Variants in ADAM32 observed in about 807,000 individuals in gnomAD.
ADAM32 encodes the protein disintegrin and metalloproteinase domain-containing protein 32.
A neutral mutation model predicts 114.9 loss-of-function variants in ADAM32; 89 were observed. The observed-to-expected ratio is 0.77, with a 90% CI of 0.65 to 0.92. The LOEUF (loss-of-function observed/expected upper bound fraction) is 0.92. Among genes scored for constraint, ADAM32 ranks in the 40% least tolerant of loss-of-function variants. The pLI, the probability that ADAM32 is intolerant of heterozygous loss-of-function variation, is 0.00. For synonymous variants in ADAM32, 285 were observed against 307.5 expected, an observed-to-expected ratio of 0.93 and a Z score of 0.77; for missense variants, 870 against 932.8, an observed-to-expected ratio of 0.93 and a Z score of 0.88.
intron 2 of ADAM32, among the ~76,000 whole-genome samples, chr8:39,126,932 G>A (rs899785153): frequency 1.6e-4 from 24 of 152,118 alleles, no homozygotes; most frequent in Non-Finnish European, 3.1e-4. Flanking sequence ...ATAATCATGT[G>A]GTTTTTGTCT....
At chr8:39,267,527 A>G (rs1254877743) in intron 19 of ADAM32, among the ~76,000 whole-genome samples, 1 of 152,112 alleles carries the variant, frequency 6.6e-6, no homozygotes, top group Non-Finnish European at 1.5e-5. Context: ...TATAGGTGTT[A>G]TAAATGAAGC....
chr8:39,151,433 T>C lies in ADAM32; in HGVS notation c.410T>C (p.Val137Ala), dbSNP rs557580470. The C allele has an allele frequency of 5.0e-6, 8 of 1,605,384 alleles. No homozygotes were observed. The highest frequency in any genetic ancestry group is 1.3e-5 in the African/African-American group (1 of 74,630). The change falls in exon 6 of 25, where the codon GTT becomes GCT. Residue 137 changes from valine (V) to alanine (A), a missense_variant. Transcript: ENST00000379907. The stretch of plus-strand genomic sequence containing the variant: ...GGAATTGAGCCTCTGGAATCTGCAG[T>C]TGAATTTCAGCATGTTCTTTACAAA... ...SYGIEPLESA[V>A]EFQHVLYKLK...
At chr8:39,197,318 G>A (rs1807076309) in intron 11 of ADAM32, among the ~76,000 whole-genome samples, 1 of 151,264 alleles carries the variant, frequency 6.6e-6, no homozygotes, top group African/African-American at 2.4e-5. Flanking sequence ...TATTTTTTAG[G>A]TTCTATTTCA....
intron 19 of ADAM32, among the ~76,000 whole-genome samples, chr8:39,260,563 G>A (rs1811959486): frequency 6.6e-6 from 1 of 152,072 alleles, no homozygotes; most frequent in African/African-American, 2.4e-5. Context: ...TATCTGTTGA[G>A]TGTATTTTCA....
intron 11 of ADAM32, among the ~76,000 whole-genome samples, chr8:39,200,941 T>A (rs1290877555): frequency 6.6e-6 from 1 of 152,124 alleles, no homozygotes; most frequent in Non-Finnish European, 1.5e-5. Context: ...TATAGATGTG[T>A]GGTATTATTT....
rs894337935 is a variant in ADAM32, at chr8:39,231,315, G to T, written c.1526-712G>T. On this transcript the variant is annotated intron_variant, in intron 14 of 24. Coordinates refer to ENST00000379907, the MANE Select transcript of ADAM32 (RefSeq NM_145004.7). ...TTCTAAGAGCCAAGAGCAATCCCTAGCAGACAGCTAGTAAAGCTACAACTG... is the reference window on the plus strand; with the variant it reads ...TTCTAAGAGCCAAGAGCAATCCCTATCAGACAGCTAGTAAAGCTACAACTG... Among the ~76,000 whole-genome samples the T allele has an allele frequency of 8.5e-5, 13 of 152,180 alleles. 1 individual carries two copies. In the East Asian group the frequency reaches 2.5e-3, roughly 29 times the overall value.
intron 11 of ADAM32, among the ~76,000 whole-genome samples, chr8:39,196,596 C>A (rs552546954): frequency 5.9e-5 from 9 of 152,024 alleles, no homozygotes; most frequent in South Asian, 4.2e-4. Context: ...AATGATTTTG[C>A]GGTTTTTGTC....
At chr8:39,158,190 G>T (rs571848751) in intron 6 of ADAM32, 71 of 183,062 alleles carry the variant, frequency 3.9e-4, no homozygotes, top group African/African-American at 1.7e-3. Flanking sequence ...TGTCCATTAG[G>T]TGGGTCTTCT....
At chr8:39,263,352 T>C (rs751160799) in intron 19 of ADAM32, among the ~76,000 whole-genome samples, 15 of 152,180 alleles carry the variant, frequency 9.9e-5, no homozygotes, top group Non-Finnish European at 1.9e-4. Context: ...TTAAACTTTA[T>C]TTTTCTATAA....
intron 16 of ADAM32, among the ~76,000 whole-genome samples, chr8:39,241,232 G>T (rs1488357901): frequency 2.0e-5 from 3 of 152,214 alleles, no homozygotes; most frequent in Non-Finnish European, 4.4e-5. Context: ...CTGTGACTTT[G>T]CAGGGTATAG....
chr8:39,238,618 A>T (rs1323264483), intron 16 of ADAM32, among the ~76,000 whole-genome samples: 38 of 152,240 alleles, frequency 2.5e-4, no homozygotes, highest in Admixed American at 2.5e-3. Flanking sequence ...CAGAAATTTG[A>T]TTATTAAGCT....
At chr8:39,113,878 A>G (rs1217161548) in intron 1 of ADAM32, among the ~76,000 whole-genome samples, 1 of 152,186 alleles carries the variant, frequency 6.6e-6, no homozygotes, top group Non-Finnish European at 1.5e-5. Context: ...TTGTCAGATG[A>G]AGGCATTTGT....
At chr8:39,202,333 A>T (rs1239950903) in intron 11 of ADAM32, among the ~76,000 whole-genome samples, 1 of 152,054 alleles carries the variant, frequency 6.6e-6, no homozygotes, top group Non-Finnish European at 1.5e-5. Context: ...CAGAGATTCA[A>T]CTTCTTCCTG....
chr8:39,274,587 A>C (rs1368638167), intron 21 of ADAM32, among the ~76,000 whole-genome samples: 2 of 152,222 alleles, frequency 1.3e-5, no homozygotes, highest in African/African-American at 4.8e-5. Flanking sequence ...GCTGATTCTA[A>C]AATGAGATAG....
intron 6 of ADAM32, chr8:39,157,641 C>A: frequency 1.6e-6 from 1 of 621,138 alleles, no homozygotes; most frequent in South Asian, 1.5e-5. Context: ...AAGGTAGTGT[C>A]AATGAACTTA....
chr8:39,269,154 C>G (rs1812552594), intron 19 of ADAM32, among the ~76,000 whole-genome samples: 1 of 152,174 alleles, frequency 6.6e-6, no homozygotes, highest in African/African-American at 2.4e-5. Flanking sequence ...CCCTGTGAAC[C>G]CTAGCTGCCT....
chr8:39,165,244 A>G (rs2129446223), intron 9 of ADAM32, 48 bp downstream of exon 9: 1 of 1,286,150 alleles, frequency 7.8e-7, no homozygotes, highest in Admixed American at 3.1e-5. Flanking sequence ...AAGACCTGTG[A>G]TAATTATGTG....
chr8:39,123,802 G>A (rs1225855458), intron 2 of ADAM32, among the ~76,000 whole-genome samples: 3 of 150,104 alleles, frequency 2.0e-5, no homozygotes, highest in South Asian at 2.1e-4. Flanking sequence ...TGCCTCCTGC[G>A]TTCAAGTGAT....
chr8:39,198,655 G>A (rs1807177002), intron 11 of ADAM32, among the ~76,000 whole-genome samples: 1 of 152,232 alleles, frequency 6.6e-6, no homozygotes, highest in Non-Finnish European at 1.5e-5. Flanking sequence ...TGGGATTACA[G>A]GCGTGAGCCA....
Sources: allele counts gnomAD v4.1 joint callset (sites outside exome capture counted in the v4.1 genomes callset), GRCh38; gene constraint gnomAD v4.1.1; transcripts MANE v1.5; gene names NCBI Gene and HGNC (gene_info 2026-07-23, HGNC 2026-07-21).